Variants in WNK2 observed in about 807,000 individuals in gnomAD.
WNK2 encodes WNK lysine deficient protein kinase 2, also known as serine/threonine-protein kinase WNK2.
Under a neutral mutation model 192.1 loss-of-function variants are expected in WNK2, and 67 were observed. That is an observed-to-expected ratio of 0.35 (90% CI 0.29 to 0.43). The LOEUF is 0.43. WNK2 is among the 20% of genes least tolerant of loss of function. The pLI is 1.00. For missense variants in WNK2, 2,698 were observed against 3,089.7 expected (o/e 0.87, Z 3.01); for synonymous variants, 1,439 against 1,393.9 (o/e 1.03, Z -0.72).
intron 3 of WNK2, 53 bp from the exon 4 acceptor site, chr9:93,230,835 G>T: frequency 6.5e-7 from 1 of 1,541,092 alleles, no homozygotes. Context: ...GGCTTTGCTA[G>T]GGGGCCGCTG....
At chr9:93,243,010 A>C (rs1841043505) in intron 7 of WNK2, among the ~76,000 whole-genome samples, 1 of 152,130 alleles carries the variant, frequency 6.6e-6, no homozygotes, top group South Asian at 2.1e-4. Context: ...TCAGGAGGCC[A>C]AGTGCTACAG....
At chr9:93,205,163 C>T (rs543230672) in intron 2 of WNK2, among the ~76,000 whole-genome samples, 1 of 152,302 alleles carries the variant, frequency 6.6e-6, no homozygotes, top group South Asian at 2.1e-4. Flanking sequence ...CTCCTCACCC[C>T]TTCATTTGTA....
At chr9:93,235,005 A>G (rs1260016351) in intron 5 of WNK2, 40 bp downstream of exon 5, 13 of 1,611,444 alleles carry the variant, frequency 8.1e-6, no homozygotes, top group South Asian at 1.1e-5. Flanking sequence ...ATAAGGACAC[A>G]GAGGCCTTGG....
In WNK2 at chr9:93,185,553, G is replaced by A. The variant is rs1207102918; in HGVS notation, c.624G>A (p.Thr208=). 1 of 1,612,946 alleles carries A rather than the reference G, an allele frequency of 6.2e-7. No homozygotes were observed. Among genetic ancestry groups the A allele is most frequent in the African/African-American group, 1.3e-5 (1 of 75,066 alleles). The change falls in exon 2 of 30, where the codon ACG becomes ACA. Residue 208 remains threonine, a synonymous_variant. Coordinates refer to ENST00000427277, the MANE Select transcript of WNK2 (RefSeq NM_006648.4). ...DIELGRGSFK[T]VYKGLDTETW... ...AGCTGGGCCGCGGTTCCTTCAAGAC[G>A]GTCTACAAGGGGCTGGACACGGAGA... is the stretch of plus-strand genomic sequence containing the variant.
chr9:93,312,884 C>T (rs181800587), intron 28 of WNK2, among the ~76,000 whole-genome samples: 1 of 152,208 alleles, frequency 6.6e-6, no homozygotes, highest in South Asian at 2.1e-4. Context: ...CTGGCTCTGT[C>T]CACTCTGCCA....
In WNK2 at chr9:93,263,747, G is replaced by C. The variant is rs1396473699; in HGVS notation, c.3579+13G>C. On this transcript the variant is annotated intron_variant, in intron 15 of 29. Transcript: ENST00000427277. ...TACCATCTTGAACGTGAGTGGGCGGGGCGTGGCGGGGGTGTGGTGGGGGTG... is the reference window on the plus strand; with the variant it reads ...TACCATCTTGAACGTGAGTGGGCGGCGCGTGGCGGGGGTGTGGTGGGGGTG... 2 of 1,451,488 alleles carry C rather than the reference G, an allele frequency of 1.4e-6. No homozygotes were observed. Among genetic ancestry groups the C allele is most frequent in the African/African-American group, 3.0e-5 (2 of 67,730 alleles). The allele number at this position is 1,451,488 out of a possible 1,614,324, so 89.9% of individuals were successfully genotyped here.
intron 2 of WNK2, among the ~76,000 whole-genome samples, chr9:93,193,989 A>G (rs938199924): frequency 1.3e-5 from 2 of 152,240 alleles, no homozygotes; most frequent in African/African-American, 4.8e-5. Flanking sequence ...CAAAGGAGCA[A>G]AGGCAATAAA....
In WNK2 at chr9:93,257,280, G is replaced by T; in HGVS notation, c.2382+141G>T. Reference sequence around the variant, plus strand: ...TTGGGCTGGCCAGGGAGTTGGGGCTGGGCTGGGGAGTCCGGGCTGGGCAGT... The same window carrying T: ...TTGGGCTGGCCAGGGAGTTGGGGCTTGGCTGGGGAGTCCGGGCTGGGCAGT... On this transcript the variant is annotated intron_variant, in intron 11 of 29. Transcript: ENST00000427277. This position sits in a 1 kb window ranked among gnomAD's most constrained non-coding sequence, Gnocchi z 4.7. 2.3e-6 allele frequency: 2 copies of T among 869,474 alleles called. No homozygotes were observed. Among genetic ancestry groups the T allele is most frequent in the South Asian group, 3.4e-5 (2 of 58,684 alleles). 53.9% of individuals were successfully genotyped at this position (869,474 alleles called of 1,614,324 possible).
intron 19 of WNK2, among the ~76,000 whole-genome samples, chr9:93,285,582 A>C (rs1848333558): frequency 6.6e-6 from 1 of 152,258 alleles, no homozygotes; most frequent in African/African-American, 2.4e-5. Context: ...AAAAGAAATG[A>C]GTAGGAAGAT....
At chr9:93,202,841 C>T (rs1290647612) in intron 2 of WNK2, among the ~76,000 whole-genome samples, 1 of 152,156 alleles carries the variant, frequency 6.6e-6, no homozygotes, top group Non-Finnish European at 1.5e-5. Flanking sequence ...CTGGACACTT[C>T]TGGCTGGAAG....
At chr9:93,202,364 G>GTGTGTGTGTGTGTGTGTA (rs576221975) in intron 2 of WNK2, among the ~76,000 whole-genome samples, 80 of 146,152 alleles carry the variant, frequency 5.5e-4, no homozygotes, top group African/African-American at 1.8e-3. Flanking sequence ...GTGTGTGTGT[G>GTGTGTGTGTGTGTGTGTA]TGTATGTCTC....
chr9:93,229,672 C>G lies in WNK2; in HGVS notation c.682-24C>G. The G allele has an allele frequency of 6.2e-7, 1 of 1,605,056 alleles. No individual in the cohort carries two copies. Among genetic ancestry groups the G allele is most frequent in the Non-Finnish European group, 8.5e-7 (1 of 1,173,944 alleles). On this transcript the variant is annotated intron_variant, in intron 2 of 29. Coordinates refer to ENST00000427277, the MANE Select transcript of WNK2 (RefSeq NM_006648.4). The surrounding 1 kb of genome is among the most constrained non-coding windows in gnomAD (Gnocchi z 4.9). ...CCTTCTGTGTCCCATCTCTTGCCCA[C>G]TTAGCATGTCTCTTGCCCTGTAGGA...
intron 28 of WNK2, among the ~76,000 whole-genome samples, chr9:93,314,976 A>G (rs1319235276): frequency 6.6e-6 from 1 of 152,114 alleles, no homozygotes; most frequent in African/African-American, 2.4e-5. Flanking sequence ...ACCCCTCCAG[A>G]AAGTCAGCAA....
At position 93,234,938 on chromosome 9, in the gene WNK2, G is replaced by A. The variant is rs373701322; in HGVS notation, c.1206G>A (p.Ala402=). ...SEYPYSECQN[A]AQIYRKVTCG... is the part of the protein sequence containing the mutation. The stretch of plus-strand genomic sequence containing the variant: ...ACCCCTACTCGGAGTGCCAGAATGC[G>A]GCCCAGATCTACCGCAAGGTCACCT... The change falls in exon 5 of 30, where the codon GCG becomes GCA. Residue 402 remains alanine (A), a synonymous_variant. Coordinates refer to ENST00000427277, the MANE Select transcript of WNK2 (RefSeq NM_006648.4). 506 of 1,613,990 alleles carry A rather than the reference G, an allele frequency of 3.1e-4. No homozygotes were observed. Among genetic ancestry groups the A allele is most frequent in the Non-Finnish European group, 4.1e-4 (485 of 1,179,976 alleles).
intron 2 of WNK2, among the ~76,000 whole-genome samples, chr9:93,224,832 CA>C (rs1367605507): frequency 1.3e-5 from 2 of 152,138 alleles, no homozygotes; most frequent in African/African-American, 4.8e-5. Context: ...GACTCAACAC[CA>C]AACCTTTAAG....
intron 28 of WNK2, among the ~76,000 whole-genome samples, chr9:93,311,640 T>TGTGTGTGTGTGTGTGTGTGTGTGTG (rs1554755231): frequency 6.6e-6 from 1 of 151,644 alleles, no homozygotes; most frequent in African/African-American, 2.4e-5. Flanking sequence ...TGTGTGTGTG[T>TGTGTGTGTGTGTGTGTGTGTGTGTG]TTTGAGACGG....
chr9:93,195,858 C>T (rs779770620), intron 2 of WNK2, among the ~76,000 whole-genome samples: 6 of 152,098 alleles, frequency 3.9e-5, no homozygotes, highest in Non-Finnish European at 7.3e-5. Flanking sequence ...CAGGGTGTCA[C>T]GACTTCTAGA....
At chr9:93,270,944 C>T (rs558557574) in intron 19 of WNK2, among the ~76,000 whole-genome samples, 38 of 152,218 alleles carry the variant, frequency 2.5e-4, no homozygotes, top group Admixed American at 1.8e-3. Flanking sequence ...TGGGTGGTTT[C>T]TGTTCGAAGG....
Position 93,292,235 on chromosome 9 carries a change from T to C in WNK2, c.4937-73T>C, listed in dbSNP as rs570984968. ...TCCCATGGGATCACTTTGGGCTGCTTCGGGTCAGCTGTGAGCCATCTCTGC... is the reference window on the plus strand; with the variant it reads ...TCCCATGGGATCACTTTGGGCTGCTCCGGGTCAGCTGTGAGCCATCTCTGC... On this transcript the variant is annotated intron_variant, in intron 21 of 29. Transcript: ENST00000427277. 1.4e-4 allele frequency: 223 copies of C among 1,544,706 alleles called. 3 individuals are homozygous for C. The South Asian group carries it at 2.4e-3, about 17-fold the overall frequency.
Sources: allele counts gnomAD v4.1 joint callset (sites outside exome capture counted in the v4.1 genomes callset), GRCh38; gene constraint gnomAD v4.1.1; non-coding constraint Gnocchi (gnomAD v3.1); transcripts MANE v1.5; gene names NCBI Gene and HGNC (gene_info 2026-07-23, HGNC 2026-07-21).